The following ARHGEF4 variants were observed in gnomAD, a reference collection of about 807,000 sequenced individuals.
The protein encoded by ARHGEF4 is APC-stimulated guanine nucleotide exchange factor 1.
In ARHGEF4, 119 loss-of-function variants were observed where a neutral mutation model predicts 162.0. The ratio of observed to expected loss-of-function variants is 0.73; its 90% CI spans 0.63 to 0.86. ARHGEF4 has a LOEUF of 0.86. Among genes scored for constraint, ARHGEF4 ranks in the 40% least tolerant of loss-of-function variants. ARHGEF4 has a pLI of 0.00. For synonymous variants in ARHGEF4, 1,014 were observed against 979.9 expected (o/e 1.03, Z -0.65); for missense variants, 2,488 against 2,456.0 (o/e 1.01, Z -0.28).
rs1041501487 is a variant in ARHGEF4 at position 130,864,158 on chromosome 2, C to A, written c.39+27166C>A. ...CCGAGATTGCACCACTGCTCTCCAG[C>A]CTGGGCGACAGAGACTCTGTCTCAA... is the stretch of plus-strand genomic sequence containing the variant. On this transcript the variant is annotated intron_variant, in intron 1 of 13. Transcript: ENST00000409359. Among the ~76,000 whole-genome samples, 3 of 151,260 alleles carry A rather than the reference C, an allele frequency of 2.0e-5. No individual in the cohort carries two copies. The East Asian group carries it at 5.9e-4, about 30-fold the overall frequency.
chr2:131,000,498 G>A (rs1415702711), intron 4 of ARHGEF4, among the ~76,000 whole-genome samples: 1 of 152,184 alleles, frequency 6.6e-6, no homozygotes, highest in Non-Finnish European at 1.5e-5. Flanking sequence ...AACTTGTAAA[G>A]ATGTGAATGA....
intron 1 of ARHGEF4, among the ~76,000 whole-genome samples, chr2:130,884,017 T>A (rs1679355199): frequency 1.3e-5 from 2 of 152,132 alleles, no homozygotes; most frequent in African/African-American, 4.8e-5. Flanking sequence ...ATCACCAACA[T>A]CATCGTCAAC....
chr2:131,011,656 A>G (rs1408812442), intron 4 of ARHGEF4: 7 of 1,535,510 alleles, frequency 4.6e-6, no homozygotes, highest in Non-Finnish European at 6.1e-6. Flanking sequence ...ATTGGTCAAG[A>G]GCCCATCGGA....
chr2:130,931,165 T>A lies in ARHGEF4; in HGVS notation c.3766T>A (p.Trp1256Arg), dbSNP rs756321975. The stretch of plus-strand genomic sequence containing the variant: ...CTCGCCCGTCAGTGTGGATGACCTG[T>A]GGCTGGAGAAGACACAGAGAAAGAA... ...HRSPVSVDDL[W>R]LEKTQRKKLQ... Residue 1256 changes from tryptophan to arginine, a missense_variant, in exon 3 of 14, where the codon TGG becomes AGG. Physicochemically the swap from Trp to Arg is moderately radical, Grantham distance 101 (BLOSUM62 -3). Around this residue, in one of 6 missense-constraint regions of ARHGEF4, gnomAD observed 1,642 missense variants for 1,481.5 expected, o/e 1.11. Coordinates refer to ENST00000409359, the MANE Select transcript of ARHGEF4 (RefSeq NM_001367493.1). 1.2e-6 allele frequency: 2 copies of A among 1,614,196 alleles called. No individual in the cohort carries two copies. The highest frequency in any genetic ancestry group is 2.2e-5 in the South Asian group (2 of 91,072).
At chr2:131,012,048 GA>G in intron 4 of ARHGEF4, 1 of 644,100 alleles carries the variant, frequency 1.6e-6, no homozygotes, top group South Asian at 1.8e-5. Flanking sequence ...TCCTTGCCAA[GA>G]TTTTTGTTCT....
intron 4 of ARHGEF4, among the ~76,000 whole-genome samples, chr2:130,983,753 C>T (rs1255861093): frequency 2.6e-5 from 4 of 152,026 alleles, no homozygotes; most frequent in Non-Finnish European, 5.9e-5. Context: ...GGGTTCATGC[C>T]ATTCTCCTGC....
At chr2:130,870,668 G>GGGGAA (rs34949512) in intron 1 of ARHGEF4, among the ~76,000 whole-genome samples, 6,988 of 152,218 alleles carry the variant, frequency 0.046, 233 homozygotes, top group East Asian at 0.099. Flanking sequence ...TCCCTGGGGA[G>GGGGAA]GGGAAGGGAA....
intron 3 of ARHGEF4, among the ~76,000 whole-genome samples, chr2:130,945,645 A>G (rs1683565672): frequency 6.6e-6 from 1 of 152,148 alleles, no homozygotes; most frequent in African/African-American, 2.4e-5. Context: ...CAGGAACAAC[A>G]AAACAAGAAA....
chr2:131,035,023 G>C (rs1690137220), intron 5 of ARHGEF4: 1 of 987,696 alleles, frequency 1.0e-6, no homozygotes, highest in Admixed American at 6.2e-5. Flanking sequence ...CTCCCCGGGC[G>C]CTGCGGGCCA....
At chr2:130,945,118 C>A (rs1055362048) in intron 3 of ARHGEF4, among the ~76,000 whole-genome samples, 8 of 152,044 alleles carry the variant, frequency 5.3e-5, no homozygotes, top group African/African-American at 1.9e-4. Flanking sequence ...GGGTCAGATC[C>A]ACTCATACAG....
At chr2:131,016,628 A>G (rs1426765043) in intron 4 of ARHGEF4, among the ~76,000 whole-genome samples, 2 of 152,268 alleles carry the variant, frequency 1.3e-5, no homozygotes, top group East Asian at 3.8e-4. Flanking sequence ...ATGGCTTTTG[A>G]TGGACAGCAG....
Position 131,040,147 on chromosome 2 carries a change from CAGCACT to C in ARHGEF4, c.4438_4443del (p.Ser1480_Thr1481del), listed in dbSNP as rs775791375. 6.2e-7 allele frequency: 1 copy of C among 1,613,344 alleles called. No homozygotes were observed. The highest frequency in any genetic ancestry group is 8.5e-7 in the Non-Finnish European group (1 of 1,179,768). ...GGACCAACGTCATCAACGAGATCCT[CAGCACT>C]GAGCGGGACTACATCAAGCACCTGC... On this transcript the variant is annotated inframe_deletion, in exon 7 of 14. Coordinates refer to ENST00000409359, the MANE Select transcript of ARHGEF4 (RefSeq NM_001367493.1).
In ARHGEF4 at chr2:131,001,853, A is replaced by G. The variant is rs776962409; in HGVS notation, c.3986-26092A>G. Among the ~76,000 whole-genome samples the G allele has an allele frequency of 1.4e-3, 209 of 152,342 alleles. 3 individuals carry two copies. Among genetic ancestry groups the G allele is most frequent in the Middle Eastern group, 6.8e-3 (2 of 294 alleles). On this transcript the variant is annotated intron_variant, in intron 4 of 13. Transcript: ENST00000409359. ...TATTTAGTAAGATTATAGAAAATGC[A>G]TGAGAATAGTACAGAACAATTTAAG...
chr2:130,854,820 G>A (rs996072417), intron 1 of ARHGEF4, among the ~76,000 whole-genome samples: 8 of 152,162 alleles, frequency 5.3e-5, no homozygotes, highest in East Asian at 1.9e-4. Context: ...AAGGCAGGGC[G>A]TGCAGCTTTG....
intron 3 of ARHGEF4, among the ~76,000 whole-genome samples, chr2:130,936,905 C>CTTTTTTTTT (rs36086542): frequency 2.4e-5 from 2 of 82,342 alleles, no homozygotes; most frequent in African/African-American, 9.1e-5. Context: ...TTTCTTTTTT[C>CTTTTTTTTT]TTTTTTTTTT....
intron 6 of ARHGEF4, chr2:131,039,673 C>T: frequency 8.2e-7 from 1 of 1,214,164 alleles, no homozygotes; most frequent in Non-Finnish European, 1.0e-6. Context: ...GGGCGCGCCA[C>T]CCATCCCCCT....
chr2:130,936,131 C>T (rs1682931294), intron 3 of ARHGEF4, among the ~76,000 whole-genome samples: 1 of 151,928 alleles, frequency 6.6e-6, no homozygotes, highest in African/African-American at 2.4e-5. Context: ...GAGAATGTTC[C>T]ATGTGTACTG....
At chr2:130,896,716 C>T (rs1335175834) in intron 1 of ARHGEF4, among the ~76,000 whole-genome samples, 1 of 152,164 alleles carries the variant, frequency 6.6e-6, no homozygotes, top group Non-Finnish European at 1.5e-5. Flanking sequence ...ACCACTGTCA[C>T]TTATATTTGG....
In ARHGEF4 at chr2:130,915,669, G is replaced by C. The variant is rs903201825; in HGVS notation, c.1723G>C (p.Asp575His). 9.0e-6 allele frequency: 14 copies of C among 1,550,392 alleles called. No individual in the cohort carries two copies. The highest frequency in any genetic ancestry group is 1.7e-4 in the Middle Eastern group (1 of 6,014). ...GGCAGCCGAAGAAGCCATGGTTCTA[G>C]ACCCCAACTACAGGGAACAGGCTTT... is the stretch of plus-strand genomic sequence containing the variant. ...SKAAEEAMVL[D>H]PNYREQALQG... The change falls in exon 2 of 14, where the codon GAC becomes CAC. Residue 575 changes from aspartate (D) to histidine (H), a missense_variant. This residue lies in a region of ARHGEF4 where 1,642 missense variants were observed against 1,481.5 expected (regional missense o/e 1.11). Transcript: ENST00000409359.
Sources: allele counts gnomAD v4.1 joint callset (sites outside exome capture counted in the v4.1 genomes callset), GRCh38; gene constraint gnomAD v4.1.1; regional missense constraint gnomAD v4.1.1; transcripts MANE v1.5; gene names NCBI Gene and HGNC (gene_info 2026-07-23, HGNC 2026-07-21).